DSCAM: variants seen among roughly 807,000 people sequenced by gnomAD.
The protein encoded by DSCAM is cell adhesion molecule DSCAM.
Under a neutral mutation model 217.7 loss-of-function variants are expected in DSCAM, and 47 were observed. That is an observed-to-expected ratio of 0.22 (90% confidence interval 0.17 to 0.28). The LOEUF (loss-of-function observed/expected upper bound fraction) is 0.28. Among genes scored for constraint, DSCAM ranks in the 10% least tolerant of loss-of-function variants. The pLI is 1.00. For synonymous variants in DSCAM, 1,056 were observed against 1,015.3 expected (o/e 1.04, Z -0.76); for missense variants, 2,080 against 2,618.3 (o/e 0.79, Z 4.49).
intron 1 of DSCAM, among the ~76,000 whole-genome samples, chr21:40,747,776 G>C (rs1244929660): frequency 2.0e-5 from 3 of 151,662 alleles, no homozygotes; most frequent in Non-Finnish European, 4.4e-5. Context: ...AAAAAAGGAA[G>C]CTATAGGCCA....
At chr21:40,845,583 G>A (rs929731622) in intron 1 of DSCAM, among the ~76,000 whole-genome samples, 1 of 136,460 alleles carries the variant, frequency 7.3e-6, no homozygotes, top group African/African-American at 2.8e-5. Context: ...CTCTGTGTCT[G>A]TCTCGCTCTC....
At chr21:40,297,719 T>C (rs1404771345) in intron 9 of DSCAM, among the ~76,000 whole-genome samples, 1 of 152,184 alleles carries the variant, frequency 6.6e-6, no homozygotes, top group Admixed American at 6.5e-5. Flanking sequence ...CAGCCAGAGA[T>C]GGAATTCACC....
At chr21:40,095,718 C>A (rs550190136) in intron 20 of DSCAM, among the ~76,000 whole-genome samples, 2 of 152,180 alleles carry the variant, frequency 1.3e-5, no homozygotes, top group East Asian at 1.9e-4. Flanking sequence ...ATAAAAATTT[C>A]CAGGAAAACA....
chr21:40,678,905 T>A (rs1270513043), intron 3 of DSCAM, among the ~76,000 whole-genome samples: 1 of 152,242 alleles, frequency 6.6e-6, no homozygotes, highest in African/African-American at 2.4e-5. Context: ...ACTTGCACTG[T>A]CCTGCTTTTT....
At chr21:40,073,747 TA>T (rs1172589605) in intron 27 of DSCAM, among the ~76,000 whole-genome samples, 1 of 152,188 alleles carries the variant, frequency 6.6e-6, no homozygotes, top group East Asian at 1.9e-4. Context: ...CCTCCTACCT[TA>T]AACCTAGAGT....
chr21:40,358,260 G>C (rs2074717561), intron 4 of DSCAM, among the ~76,000 whole-genome samples: 1 of 152,190 alleles, frequency 6.6e-6, no homozygotes, highest in South Asian at 2.1e-4. Flanking sequence ...ATAGTGCTAT[G>C]TAATTCTAAT....
intron 11 of DSCAM, among the ~76,000 whole-genome samples, chr21:40,248,060 G>A (rs977855946): frequency 2.6e-5 from 4 of 152,290 alleles, no homozygotes; most frequent in African/African-American, 9.6e-5. Flanking sequence ...TTTTAGTCAT[G>A]GCTGGAGTGG....
At position 40,766,978 on chromosome 21, in the gene DSCAM, G is replaced by T. The variant is rs945344464; in HGVS notation, c.44-58207C>A. 1.4e-4 allele frequency among the ~76,000 whole-genome samples: 21 copies of T among 152,074 alleles called. 1 individual carries two copies. Among genetic ancestry groups the T allele is most frequent in the Admixed American group, 1.2e-3 (19 of 15,276 alleles). On this transcript the variant is annotated intron_variant, in intron 1 of 32. Transcript: ENST00000400454. ...TGGGATTACAGGCATGAGCCACCGT[G>T]TCCAGCCAAAAAACCTTTCTTAATT...
intron 2 of DSCAM, among the ~76,000 whole-genome samples, chr21:40,703,733 T>C (rs2090682305): frequency 6.6e-6 from 1 of 152,264 alleles, no homozygotes; most frequent in Non-Finnish European, 1.5e-5. Flanking sequence ...TTGGGGTTTG[T>C]TGAGCTCCTT....
chr21:40,036,018 G>A (rs1449058933), intron 32 of DSCAM, among the ~76,000 whole-genome samples: 2 of 133,078 alleles, frequency 1.5e-5, no homozygotes, highest in African/African-American at 2.9e-5. Flanking sequence ...TCAAAGCAGT[G>A]TATAGAGGGA....
chr21:40,758,153 C>G (rs145816786), intron 1 of DSCAM, among the ~76,000 whole-genome samples: 11 of 152,062 alleles, frequency 7.2e-5, no homozygotes, highest in African/African-American at 2.7e-4. Flanking sequence ...CAGAGAGAGG[C>G]GAAGCAGACT....
intron 30 of DSCAM, among the ~76,000 whole-genome samples, chr21:40,048,197 GC>G (rs1260471293): frequency 2.6e-5 from 4 of 152,190 alleles, no homozygotes; most frequent in Admixed American, 2.6e-4. Flanking sequence ...AGATTAATGT[GC>G]CCAAGTGCTC....
intron 32 of DSCAM, among the ~76,000 whole-genome samples, chr21:40,023,023 TCC>T (rs1363919210): frequency 9.0e-6 from 1 of 111,110 alleles, no homozygotes; most frequent in Non-Finnish European, 1.8e-5. Context: ...CCCTCTCCCC[TCC>T]CCCCACCCCA....
At chr21:40,451,315 T>G (rs2075717520) in intron 3 of DSCAM, among the ~76,000 whole-genome samples, 1 of 152,232 alleles carries the variant, frequency 6.6e-6, no homozygotes, top group African/African-American at 2.4e-5. Context: ...CCATGGCACT[T>G]TCTACTGGCT....
chr21:40,714,027 G>T (rs1276128754), intron 1 of DSCAM, among the ~76,000 whole-genome samples: 2 of 152,144 alleles, frequency 1.3e-5, no homozygotes, highest in Non-Finnish European at 2.9e-5. Context: ...CATAAACTTT[G>T]GTGGCATCCA....
chr21:40,602,518 C>T (rs1268908802), intron 3 of DSCAM, among the ~76,000 whole-genome samples: 1 of 152,156 alleles, frequency 6.6e-6, no homozygotes, highest in African/African-American at 2.4e-5. Flanking sequence ...TAGGCCCATT[C>T]AGAATATCTG....
chr21:40,158,613 T>A (rs1440764545), intron 16 of DSCAM, among the ~76,000 whole-genome samples: 1 of 152,118 alleles, frequency 6.6e-6, no homozygotes, highest in African/African-American at 2.4e-5. Flanking sequence ...ACACAGGCAC[T>A]CCCTGAATCA....
intron 3 of DSCAM, among the ~76,000 whole-genome samples, chr21:40,530,932 T>C (rs981158857): frequency 1.5e-5 from 2 of 137,186 alleles, no homozygotes; most frequent in Non-Finnish European, 1.5e-5. Context: ...CATCCATCCA[T>C]CCATCCATCC....
intron 1 of DSCAM, among the ~76,000 whole-genome samples, chr21:40,824,473 A>T (rs1322509422): frequency 6.9e-6 from 1 of 145,790 alleles, no homozygotes; most frequent in East Asian, 2.0e-4. Context: ...GCAGTGGCAC[A>T]AACATGGTTT....
Sources: allele counts gnomAD v4.1 joint callset (sites outside exome capture counted in the v4.1 genomes callset), GRCh38; gene constraint gnomAD v4.1.1; transcripts MANE v1.5; gene names NCBI Gene and HGNC (gene_info 2026-07-23, HGNC 2026-07-21).